The following COPS7B variants were observed in gnomAD, a reference collection of about 807,000 sequenced individuals.
COPS7B encodes the protein COP9 signalosome complex subunit 7b.
A neutral mutation model predicts 33.4 loss-of-function variants in COPS7B; 9 were observed. The observed-to-expected ratio is 0.27, with a 90% CI of 0.16 to 0.47. The LOEUF is 0.47. Among genes scored for constraint, COPS7B ranks in the 20% least tolerant of loss-of-function variants. The pLI is 0.99. For missense variants in COPS7B, 242 were observed against 318.2 expected, an observed-to-expected ratio of 0.76 and a Z score of 1.82; for synonymous variants, 119 against 126.3, an observed-to-expected ratio of 0.94 and a Z score of 0.39.
At chr2:231,801,728 T>C (rs1330807306) in intron 6 of COPS7B, among the ~76,000 whole-genome samples, 1 of 151,568 alleles carries the variant, frequency 6.6e-6, no homozygotes, top group Non-Finnish European at 1.5e-5. Context: ...TCTGGCTCCC[T>C]CTTTGTTGGG....
chr2:231,796,972 C>T (rs1262256658), intron 5 of COPS7B, among the ~76,000 whole-genome samples: 3 of 152,184 alleles, frequency 2.0e-5, no homozygotes, highest in African/African-American at 7.2e-5. Flanking sequence ...TCACATTCTA[C>T]GAGGATTCAC....
At chr2:231,790,876 C>T (rs1382153942) in intron 2 of COPS7B, 2 of 151,876 alleles carry the variant, frequency 1.3e-5, no homozygotes, top group African/African-American at 4.8e-5. Flanking sequence ...GTAGCTGGGA[C>T]TACAGGCGCC....
intron 6 of COPS7B, among the ~76,000 whole-genome samples, chr2:231,799,514 C>G (rs941352547): frequency 6.6e-5 from 10 of 152,166 alleles, no homozygotes; most frequent in Non-Finnish European, 1.2e-4. Flanking sequence ...GGCAGATGAG[C>G]TGCAAGTGAA....
chr2:231,793,229 T>C (rs1163211189), intron 3 of COPS7B, among the ~76,000 whole-genome samples: 1 of 152,204 alleles, frequency 6.6e-6, no homozygotes. Context: ...TTTGGGACTT[T>C]AAAAAGGTAA....
Position 231,791,819 on chromosome 2 carries a change from G to A in COPS7B, c.238+11G>A, listed in dbSNP as rs768083045. Reference sequence around the variant, plus strand: ...ACCCAGATTACATAGGTGAGTTGGTGAAGATCCTTCAAAAGACTTGTGTTA... The same window carrying A: ...ACCCAGATTACATAGGTGAGTTGGTAAAGATCCTTCAAAAGACTTGTGTTA... On this transcript the variant is annotated intron_variant, in intron 3 of 6. Transcript: ENST00000350033. 5.9e-5 allele frequency: 95 copies of A among 1,609,692 alleles called. No homozygotes were observed. The East Asian group carries it at 1.5e-3, about 25-fold the overall frequency.
chr2:231,788,825 T>C (rs2049326595), intron 2 of COPS7B, 93 bp downstream of exon 2: 2 of 1,204,458 alleles, frequency 1.7e-6, no homozygotes, highest in East Asian at 2.3e-5. Context: ...ATTGTGAACC[T>C]GTGAGGTACC....
intron 6 of COPS7B, among the ~76,000 whole-genome samples, chr2:231,804,755 T>A (rs2049844552): frequency 6.6e-6 from 1 of 152,348 alleles, no homozygotes; most frequent in Middle Eastern, 3.4e-3. Context: ...AAAACTTGTT[T>A]GTTTTCTAAT....
chr2:231,803,446 C>A (rs560351824), intron 6 of COPS7B, among the ~76,000 whole-genome samples: 1 of 152,096 alleles, frequency 6.6e-6, no homozygotes, highest in African/African-American at 2.4e-5. Flanking sequence ...AGAGAAAAAA[C>A]CAAGTTTTTC....
chr2:231,795,713 C>G (rs1355257112), intron 4 of COPS7B, among the ~76,000 whole-genome samples: 2 of 152,326 alleles, frequency 1.3e-5, no homozygotes, highest in South Asian at 2.1e-4. Flanking sequence ...AAGTAGCCAG[C>G]TCTTTCCAGT....
chr2:231,799,029 T>C, intron 6 of COPS7B, 65 bp downstream of exon 6: 1 of 1,458,724 alleles, frequency 6.9e-7, no homozygotes, highest in Non-Finnish European at 9.5e-7. Context: ...TTGCAGTGTT[T>C]ATGTTTTTGT....
intron 1 of COPS7B, among the ~76,000 whole-genome samples, chr2:231,788,202 TCTTGGCTCA>T (rs1204905347): frequency 7.0e-6 from 1 of 142,276 alleles, no homozygotes; most frequent in Non-Finnish European, 1.5e-5. Flanking sequence ...AGTGGCACAA[TCTTGGCTCA>T]CTGCAACCTC....
At chr2:231,788,500 C>A (rs950018896) in intron 1 of COPS7B, 55 bp from the exon 2 acceptor site, 4 of 1,541,176 alleles carry the variant, frequency 2.6e-6, no homozygotes, top group Non-Finnish European at 3.6e-6. Flanking sequence ...ACTGAATAGG[C>A]ACAGACTTTG....
At chr2:231,786,560 G>C in intron 1 of COPS7B, 22 bp downstream of exon 1, 3 of 961,980 alleles carry the variant, frequency 3.1e-6, no homozygotes, top group Non-Finnish European at 3.7e-6. Context: ...CGAGAGGGTG[G>C]GCCGAGCGGG....
At chr2:231,803,120 A>T (rs1166514339) in intron 6 of COPS7B, among the ~76,000 whole-genome samples, 1 of 152,202 alleles carries the variant, frequency 6.6e-6, no homozygotes, top group African/African-American at 2.4e-5. Context: ...AACACAAAGG[A>T]GATGCAGTGG....
In COPS7B at chr2:231,808,095, C is replaced by T. The variant is rs1427411102; in HGVS notation, c.*450C>T. 2 of 233,208 alleles carry T rather than the reference C, an allele frequency of 8.6e-6. No individual in the cohort carries two copies. Among genetic ancestry groups the T allele is most frequent in the African/African-American group, 2.4e-5 (1 of 42,398 alleles). The allele number at this position is 233,208 out of a possible 1,614,324, so 14.4% of individuals were successfully genotyped here. On this transcript the variant is annotated 3_prime_UTR_variant, in exon 7 of 7. Coordinates refer to ENST00000350033, the MANE Select transcript of COPS7B (RefSeq NM_022730.4). ...CCAGCCCCTGGTACCACAGTCCTCA[C>T]GATGGTGCAGTGATTTCTAGCCAGG...
intron 5 of COPS7B, 121 bp downstream of exon 5, chr2:231,796,429 G>A (rs1030700533): frequency 1.0e-5 from 8 of 788,916 alleles, no homozygotes; most frequent in Middle Eastern, 3.7e-4. Flanking sequence ...GGGAGCTGGG[G>A]CTTAGTGAGC....
chr2:231,794,736 A>G (rs546692599), intron 4 of COPS7B, among the ~76,000 whole-genome samples: 106 of 152,244 alleles, frequency 7.0e-4, no homozygotes, highest in African/African-American at 2.5e-3. Context: ...AAAACTTGCT[A>G]TGTCGGACTT....
chr2:231,800,157 C>T (rs2049702261), intron 6 of COPS7B, among the ~76,000 whole-genome samples: 1 of 152,168 alleles, frequency 6.6e-6, no homozygotes, highest in African/African-American at 2.4e-5. Context: ...AGGCTGGGTG[C>T]AGTGGTTCAC....
intron 6 of COPS7B, among the ~76,000 whole-genome samples, chr2:231,800,698 G>A (rs2049719760): frequency 6.6e-6 from 1 of 152,224 alleles, no homozygotes; most frequent in Admixed American, 6.5e-5. Context: ...GGGTGGGTGT[G>A]TGCACGAGCA....
Sources: allele counts gnomAD v4.1 joint callset (sites outside exome capture counted in the v4.1 genomes callset), GRCh38; gene constraint gnomAD v4.1.1; transcripts MANE v1.5; gene names NCBI Gene and HGNC (gene_info 2026-07-23, HGNC 2026-07-21).